Variants in PLCB1 observed in about 807,000 individuals in gnomAD.
The protein encoded by PLCB1 is 1-phosphatidylinositol 4,5-bisphosphate phosphodiesterase beta-1.
In PLCB1, 46 loss-of-function variants were observed where a neutral mutation model predicts 161.8. The ratio of observed to expected loss-of-function variants is 0.28; its 90% confidence interval spans 0.22 to 0.36. PLCB1 has a LOEUF of 0.36. PLCB1 is among the 10% of genes least tolerant of loss of function. PLCB1 has a pLI of 1.00. For synonymous variants in PLCB1, 517 were observed against 503.7 expected (o/e 1.03, Z -0.35); for missense variants, 1,016 against 1,472.5 (o/e 0.69, Z 5.07).
chr20:8,200,738 TCTC>T (rs370450295), intron 2 of PLCB1, among the ~76,000 whole-genome samples: 128 of 152,150 alleles, frequency 8.4e-4, no homozygotes, highest in African/African-American at 2.5e-3. Context: ...ATTTTTCTCA[TCTC>T]CTTGAATTAT....
intron 3 of PLCB1, among the ~76,000 whole-genome samples, chr20:8,455,864 G>A (rs1210463560): frequency 6.6e-6 from 1 of 152,136 alleles, no homozygotes; most frequent in African/African-American, 2.4e-5. Context: ...ATCCTCCATA[G>A]GCTCCTATCT....
chr20:8,325,394 T>C (rs1483061214), intron 2 of PLCB1, among the ~76,000 whole-genome samples: 3 of 152,194 alleles, frequency 2.0e-5, no homozygotes, highest in African/African-American at 7.2e-5. Context: ...AAATTTAAAA[T>C]ATTTTAATAA....
At chr20:8,165,374 G>A (rs143057832) in intron 2 of PLCB1, among the ~76,000 whole-genome samples, 109 of 152,272 alleles carry the variant, frequency 7.2e-4, no homozygotes, top group African/African-American at 2.5e-3. Context: ...TTCATGAATT[G>A]ATTGATTTTT....
At position 8,848,296 on chromosome 20, in the gene PLCB1, C is replaced by A. The variant is rs1986761278; in HGVS notation, c.3424-33326C>A. Among the ~76,000 whole-genome samples the A allele has an allele frequency of 2.0e-5, 3 of 152,080 alleles. No homozygotes were observed. In the South Asian group the frequency reaches 6.2e-4, roughly 32 times the overall value. ...CCTCCTAGTTCATGGATGTATTCAC[C>A]AACCTGGAAGCTTTACATCATTATT... On this transcript the variant is annotated intron_variant, in intron 31 of 31. Coordinates refer to ENST00000338037, the MANE Select transcript of PLCB1 (RefSeq NM_015192.4).
chr20:8,881,594 A>T (rs754857634), intron 31 of PLCB1, 28 bp from the exon 32 acceptor site: 1 of 1,563,442 alleles, frequency 6.4e-7, no homozygotes, highest in Non-Finnish European at 8.8e-7. Context: ...AACAACTTCA[A>T]GTCATCTCCC....
At chr20:8,747,484 G>A (rs1221177140) in intron 23 of PLCB1, among the ~76,000 whole-genome samples, 2 of 152,150 alleles carry the variant, frequency 1.3e-5, no homozygotes, top group African/African-American at 2.4e-5. Context: ...AGTGGTCTTC[G>A]TGTAATATTG....
intron 2 of PLCB1, among the ~76,000 whole-genome samples, chr20:8,240,279 GACACACACACAC>G (rs10683042): frequency 1.3e-5 from 2 of 149,672 alleles, no homozygotes; most frequent in East Asian, 4.0e-4. Flanking sequence ...TCATGATATT[GACACACACACAC>G]ACACACACAC....
At chr20:8,219,293 G>C (rs4816052) in intron 2 of PLCB1, among the ~76,000 whole-genome samples, 1 of 152,054 alleles carries the variant, frequency 6.6e-6, no homozygotes, top group South Asian at 2.1e-4. Context: ...TTAAGAAATC[G>C]TATCAGTGGC....
chr20:8,497,590 T>A (rs1200235836), intron 3 of PLCB1, among the ~76,000 whole-genome samples: 1 of 152,208 alleles, frequency 6.6e-6, no homozygotes, highest in Non-Finnish European at 1.5e-5. Context: ...GATTTAGCCA[T>A]GCATTTGACC....
chr20:8,291,669 A>G (rs1035869401), intron 2 of PLCB1, among the ~76,000 whole-genome samples: 6 of 152,222 alleles, frequency 3.9e-5, no homozygotes, highest in Non-Finnish European at 7.3e-5. Context: ...AGTTTAATTA[A>G]CAAAGGGTGT....
intron 3 of PLCB1, among the ~76,000 whole-genome samples, chr20:8,473,326 A>G (rs1982135382): frequency 6.6e-6 from 1 of 152,188 alleles, no homozygotes; most frequent in Non-Finnish European, 1.5e-5. Flanking sequence ...GCACACATTA[A>G]TTATACATTA....
chr20:8,690,149 TG>T (rs10617180), intron 10 of PLCB1, among the ~76,000 whole-genome samples: 2,057 of 21,002 alleles, frequency 0.098, 101 homozygotes, highest in East Asian at 0.45. Context: ...TTTTTGCTGT[TG>T]TTTTTTTTTT....
intron 3 of PLCB1, among the ~76,000 whole-genome samples, chr20:8,533,112 T>C (rs1474325031): frequency 6.7e-6 from 1 of 149,960 alleles, no homozygotes; most frequent in Non-Finnish European, 1.5e-5. Flanking sequence ...GAACATGCGG[T>C]GTTTGGTTTT....
chr20:8,580,533 G>GA (rs1986802022), intron 3 of PLCB1, among the ~76,000 whole-genome samples: 1 of 152,150 alleles, frequency 6.6e-6, no homozygotes. Context: ...AAATATGTGG[G>GA]AAAAATACAT....
At chr20:8,145,461 C>T (rs1600196441) in intron 1 of PLCB1, among the ~76,000 whole-genome samples, 1 of 152,176 alleles carries the variant, frequency 6.6e-6, no homozygotes, top group African/African-American at 2.4e-5. Context: ...TGGTGACATA[C>T]CTCCGCCTGG....
chr20:8,714,993 G>A (rs1463413086), intron 12 of PLCB1, among the ~76,000 whole-genome samples: 2 of 151,610 alleles, frequency 1.3e-5, no homozygotes, highest in African/African-American at 4.8e-5. Flanking sequence ...ATGGAAAAGG[G>A]AATGAAAATA....
chr20:8,297,363 A>G (rs996914839), intron 2 of PLCB1, among the ~76,000 whole-genome samples: 2 of 152,156 alleles, frequency 1.3e-5, no homozygotes, highest in African/African-American at 4.8e-5. Flanking sequence ...TGTAGAAAAA[A>G]TGAATTTACA....
chr20:8,422,409 GA>G (rs1979577231), intron 3 of PLCB1, among the ~76,000 whole-genome samples: 1 of 152,188 alleles, frequency 6.6e-6, no homozygotes, highest in Non-Finnish European at 1.5e-5. Context: ...ATCTCTATCA[GA>G]AGCAACTAAA....
chr20:8,141,451 C>T (rs986228920), intron 1 of PLCB1, among the ~76,000 whole-genome samples: 1 of 151,912 alleles, frequency 6.6e-6, no homozygotes, highest in African/African-American at 2.4e-5. Context: ...TGATGAAACC[C>T]CGTCTCTACT....
Sources: gnomAD v4.1 joint callset for allele counts (sites outside exome capture counted in the v4.1 genomes callset) on GRCh38, gnomAD v4.1.1 for gene constraint, MANE v1.5 for transcripts, NCBI Gene and HGNC (gene_info 2026-07-23, HGNC 2026-07-21) for gene names.